The following FAM117A variants were observed in gnomAD, a reference collection of about 807,000 sequenced individuals.
FAM117A encodes the protein family with sequence similarity 117 member A, also known as protein FAM117A.
Under a neutral mutation model 44.1 loss-of-function variants are expected in FAM117A, and 21 were observed. The ratio of observed to expected loss-of-function variants is 0.48; its 90% confidence interval spans 0.34 to 0.69. The LOEUF is 0.69. Among genes scored for constraint, FAM117A ranks in the 30% least tolerant of loss-of-function variants. The pLI is 0.01. For missense variants in FAM117A, 498 were observed against 589.9 expected, an observed-to-expected ratio of 0.84 and a Z score of 1.61; for synonymous variants, 220 against 238.3, an observed-to-expected ratio of 0.92 and a Z score of 0.71.
At position 49,720,533 on chromosome 17, in the gene FAM117A, A is replaced by T. The variant is rs1039488821; in HGVS notation, c.463-97T>A. 5 of 853,802 alleles carry T rather than the reference A, an allele frequency of 5.9e-6. No individual in the cohort carries two copies. The African/African-American group carries it at 8.3e-5, about 14-fold the overall frequency. 52.9% of individuals were successfully genotyped at this position (853,802 alleles called of 1,614,324 possible). On this transcript the variant is annotated intron_variant, in intron 3 of 7. Transcript: ENST00000240364. Reference sequence around the variant, plus strand: ...GAGTGGCTCCTGGCAGAGGCCCATGAAGATATATACAAGGAGGATGGAAGT... The same window carrying T: ...GAGTGGCTCCTGGCAGAGGCCCATGTAGATATATACAAGGAGGATGGAAGT...
chr17:49,751,943 CAAAAAA>C (rs71146933), intron 1 of FAM117A, among the ~76,000 whole-genome samples: 1 of 56,954 alleles, frequency 1.8e-5, no homozygotes, highest in Non-Finnish European at 3.0e-5. Flanking sequence ...GACTCCATCT[CAAAAAA>C]AAAAAAAAAA....
rs577295137 is a variant in FAM117A, at chr17:49,759,034, T to C, written c.196+4858A>G. Among the ~76,000 whole-genome samples, 3 of 152,338 alleles carry C rather than the reference T, an allele frequency of 2.0e-5. No homozygotes were observed. In the South Asian group the frequency reaches 6.2e-4, roughly 32 times the overall value. On this transcript the variant is annotated intron_variant, in intron 1 of 7. Coordinates refer to ENST00000240364, the MANE Select transcript of FAM117A (RefSeq NM_030802.4). ...TGTGGTAACACCCAAATTAGCACCATCACTATGAAAGTTTTGCATTACTGC... is the reference window on the plus strand; with the variant it reads ...TGTGGTAACACCCAAATTAGCACCACCACTATGAAAGTTTTGCATTACTGC...
chr17:49,757,655 G>A (rs572479826), intron 1 of FAM117A, among the ~76,000 whole-genome samples: 1 of 152,204 alleles, frequency 6.6e-6, no homozygotes, highest in Non-Finnish European at 1.5e-5. Context: ...GAAAATGGGG[G>A]CACAGATAAC....
intron 1 of FAM117A, among the ~76,000 whole-genome samples, chr17:49,772,660 G>A (rs2143797881): frequency 6.6e-6 from 1 of 151,938 alleles, no homozygotes; most frequent in South Asian, 2.1e-4. Flanking sequence ...GCTGAGGCAG[G>A]AGAATCGCCT....
intron 2 of FAM117A, among the ~76,000 whole-genome samples, chr17:49,726,549 G>T (rs759294692): frequency 2.3e-4 from 35 of 152,236 alleles, no homozygotes; most frequent in Non-Finnish European, 4.7e-4. Context: ...GTACACAGGT[G>T]TGGACTATAG....
At chr17:49,751,943 C>CAAAAA (rs71146933) in intron 1 of FAM117A, among the ~76,000 whole-genome samples, 11 of 56,950 alleles carry the variant, frequency 1.9e-4, no homozygotes, top group South Asian at 7.6e-4. Flanking sequence ...GACTCCATCT[C>CAAAAA]AAAAAAAAAA....
intron 1 of FAM117A, among the ~76,000 whole-genome samples, chr17:49,770,646 G>A (rs1456976398): frequency 1.3e-5 from 2 of 152,202 alleles, no homozygotes; most frequent in Non-Finnish European, 2.9e-5. Context: ...GCTCACGCCT[G>A]TAATCACACC....
At chr17:49,739,925 C>G (rs2073626105) in intron 1 of FAM117A, among the ~76,000 whole-genome samples, 2 of 152,234 alleles carry the variant, frequency 1.3e-5, no homozygotes, top group Admixed American at 1.3e-4. Context: ...CCAGGCCAGG[C>G]CATTTCACCA....
chr17:49,788,503 A>T (rs1202426364), exon 1 of FAM117A: 2 of 316,656 alleles, frequency 6.3e-6, no homozygotes, highest in Non-Finnish European at 1.2e-5. Flanking sequence ...TCACGTAACT[A>T]AAAATGGTTG....
chr17:49,748,259 C>A (rs903939070), intron 1 of FAM117A, among the ~76,000 whole-genome samples: 2 of 152,124 alleles, frequency 1.3e-5, no homozygotes, highest in Admixed American at 1.3e-4. Flanking sequence ...CATTAATTAC[C>A]AATAAGTCCT....
intron 1 of FAM117A, among the ~76,000 whole-genome samples, chr17:49,740,289 T>C (rs781598693): frequency 7.3e-5 from 11 of 151,084 alleles, no homozygotes; most frequent in East Asian, 1.9e-4. Flanking sequence ...ACTCTGTCCC[T>C]CAGGCTGGAG....
Position 49,743,392 on chromosome 17 carries a change from T to C in FAM117A, c.197-10672A>G, listed in dbSNP as rs535499058. On this transcript the variant is annotated intron_variant, in intron 1 of 7. Coordinates refer to ENST00000240364, the MANE Select transcript of FAM117A (RefSeq NM_030802.4). Reference sequence around the variant, plus strand: ...AGGAGAATCACTTGAGTCCAGGAGCTTGAGACCGACCTGGGCAACATAGCG... The same window carrying C: ...AGGAGAATCACTTGAGTCCAGGAGCCTGAGACCGACCTGGGCAACATAGCG... Among the ~76,000 whole-genome samples the C allele has an allele frequency of 2.0e-5, 3 of 152,132 alleles. No homozygotes were observed. In the South Asian group the frequency reaches 6.2e-4, roughly 32 times the overall value.
chr17:49,716,534 G>A (rs999559493), intron 6 of FAM117A, among the ~76,000 whole-genome samples: 4 of 152,192 alleles, frequency 2.6e-5, no homozygotes, highest in Admixed American at 1.3e-4. Context: ...GGAGTTGAAT[G>A]TATGGAAAGT....
At chr17:49,760,305 T>G (rs190878744) in intron 1 of FAM117A, among the ~76,000 whole-genome samples, 4 of 152,260 alleles carry the variant, frequency 2.6e-5, no homozygotes, top group Admixed American at 2.6e-4. Context: ...GATCTTTATA[T>G]AGGAAAAACA....
At chr17:49,781,776 A>C (rs750805593) in intron 1 of FAM117A, among the ~76,000 whole-genome samples, 1 of 152,148 alleles carries the variant, frequency 6.6e-6, no homozygotes, top group Non-Finnish European at 1.5e-5. Flanking sequence ...CAAGAGTTTG[A>C]GACCAGCCTA....
chr17:49,722,564 C>T lies in FAM117A; in HGVS notation c.397G>A (p.Glu133Lys). Residue 133 changes from glutamate (E) to lysine (K), a missense_variant, in exon 3 of 8, where the codon GAG becomes AAG. Glu to Lys is a moderately conservative substitution (Grantham distance 56). Coordinates refer to ENST00000240364, the MANE Select transcript of FAM117A (RefSeq NM_030802.4). ...TTGTGTGCACAGGAACTGGCACGCT[C>T]ACCTTCTAGCTCTTGCCAGGACAGG... ...TPLSWQELEG[E>K]RASSCAHKRS... is the part of the protein sequence containing the mutation. 2 of 1,613,952 alleles carry T rather than the reference C, an allele frequency of 1.2e-6. No individual in the cohort carries two copies. The highest frequency in any genetic ancestry group is 1.7e-6 in the Non-Finnish European group (2 of 1,179,954).
intron 1 of FAM117A, among the ~76,000 whole-genome samples, chr17:49,748,912 A>G (rs1202994449): frequency 1.3e-5 from 2 of 152,194 alleles, no homozygotes; most frequent in African/African-American, 4.8e-5. Context: ...CCGGCACACA[A>G]GCGGCAGTGT....
intron 1 of FAM117A, among the ~76,000 whole-genome samples, chr17:49,734,893 G>A (rs2073603764): frequency 1.3e-5 from 2 of 152,184 alleles, no homozygotes. Context: ...TACAGATGAT[G>A]CTGAGTTAAG....
rs2073471615 is a variant in FAM117A, at chr17:49,710,495, T to C, written c.*760A>G. 6.6e-6 allele frequency: 1 copy of C among 152,592 alleles called. No homozygotes were observed. Among genetic ancestry groups the C allele is most frequent in the South Asian group, 2.1e-4 (1 of 4,826 alleles). 9.5% of individuals were successfully genotyped at this position (152,592 alleles called of 1,614,324 possible). ...ACTTCAAACAGCTGCAAAAATAGTG[T>C]CTTTGGGAGAAAATAGAGTCTCTAC... On this transcript the variant is annotated 3_prime_UTR_variant, in exon 8 of 8. Coordinates refer to ENST00000240364, the MANE Select transcript of FAM117A (RefSeq NM_030802.4).
Sources: allele counts gnomAD v4.1 joint callset (sites outside exome capture counted in the v4.1 genomes callset), GRCh38; gene constraint gnomAD v4.1.1; transcripts MANE v1.5; gene names NCBI Gene and HGNC (gene_info 2026-07-23, HGNC 2026-07-21).